DARS2: variants seen among roughly 807,000 people sequenced by gnomAD.
DARS2 encodes the protein aspartyl-tRNA synthetase 2, mitochondrial, also known as aspartate--tRNA ligase, mitochondrial.
Under a neutral mutation model 83.0 loss-of-function variants are expected in DARS2, and 63 were observed. The ratio of observed to expected loss-of-function variants is 0.76; its 90% CI spans 0.62 to 0.94. The LOEUF (loss-of-function observed/expected upper bound fraction) is 0.94. Ranked by LOEUF, DARS2 falls within the 40% of genes least tolerant of loss-of-function variation. The probability of loss-of-function intolerance (pLI) is 0.00; values close to 1 mark genes in which losing one functional copy is unlikely to be tolerated. For synonymous variants in DARS2, 250 were observed against 269.3 expected, an observed-to-expected ratio of 0.93 and a Z score of 0.70; for missense variants, 675 against 774.4, an observed-to-expected ratio of 0.87 and a Z score of 1.52.
At chr1:173,852,755 G>A (rs550072570) in intron 13 of DARS2, among the ~76,000 whole-genome samples, 26 of 152,012 alleles carry the variant, frequency 1.7e-4, no homozygotes, top group East Asian at 5.8e-4. Flanking sequence ...CGCCCGCCTC[G>A]GCCTCCCAAA....
chr1:173,839,220 G>C lies in DARS2; in HGVS notation c.841-147G>C. 4 of 716,584 alleles carry C rather than the reference G, an allele frequency of 5.6e-6. No individual in the cohort carries two copies. The South Asian group carries it at 6.9e-5, about 12-fold the overall frequency. The allele number at this position is 716,584 out of a possible 1,614,324, so 44.4% of individuals were successfully genotyped here. A position where few individuals can be genotyped will look rare whatever the true frequency, so the allele number is the denominator to read the frequency against. On this transcript the variant is annotated intron_variant, in intron 9 of 16. Coordinates refer to ENST00000649689, the MANE Select transcript of DARS2 (RefSeq NM_018122.5). The stretch of plus-strand genomic sequence containing the variant: ...TAATGTATGTAAGGCCATTAGCACA[G>C]TGTCTGACATAAAAGAGATGTACAA...
chr1:173,843,351 G>A (rs1248182950), intron 11 of DARS2, among the ~76,000 whole-genome samples: 2 of 152,122 alleles, frequency 1.3e-5, no homozygotes, highest in Non-Finnish European at 2.9e-5. Flanking sequence ...ACGAGGTCAG[G>A]AGTTCAAGAC....
intron 4 of DARS2, among the ~76,000 whole-genome samples, chr1:173,831,304 C>T (rs1277450345): frequency 6.6e-6 from 1 of 151,794 alleles, no homozygotes; most frequent in Non-Finnish European, 1.5e-5. Flanking sequence ...GTCTCAGCCT[C>T]CCAAGTATCA....
intron 13 of DARS2, 66 bp downstream of exon 13, chr1:173,850,545 T>C: frequency 1.3e-6 from 2 of 1,518,922 alleles, no homozygotes; most frequent in South Asian, 1.2e-5. Context: ...CTCCTATGTA[T>C]ATAGTATACG....
chr1:173,850,691 C>T (rs937047208), intron 13 of DARS2, among the ~76,000 whole-genome samples: 1 of 151,324 alleles, frequency 6.6e-6, no homozygotes, highest in East Asian at 2.0e-4. Flanking sequence ...CTGCAACCTC[C>T]GCCTCCCGGG....
intron 2 of DARS2, among the ~76,000 whole-genome samples, chr1:173,827,028 G>A (rs1342802262): frequency 3.3e-5 from 5 of 152,064 alleles, no homozygotes; most frequent in South Asian, 4.2e-4. Flanking sequence ...TCTGTTGAAG[G>A]GTATAACAAC....
intron 1 of DARS2, among the ~76,000 whole-genome samples, chr1:173,826,083 GC>G (rs1408464858): frequency 6.6e-6 from 1 of 151,792 alleles, no homozygotes; most frequent in Non-Finnish European, 1.5e-5. Context: ...AATTAGCCGG[GC>G]GTGGTGGCGG....
intron 1 of DARS2, 105 bp from the exon 2 acceptor site, chr1:173,826,582 G>A: frequency 1.3e-6 from 1 of 772,180 alleles, no homozygotes; most frequent in Non-Finnish European, 2.1e-6. Context: ...CTGTAGCCCT[G>A]ACATACCTAA....
Position 173,853,806 on chromosome 1 carries a change from A to T in DARS2, c.1575A>T (p.Gln525His). 6.2e-7 allele frequency: 1 copy of T among 1,614,074 alleles called. No individual in the cohort carries two copies. Among genetic ancestry groups the T allele is most frequent in the Non-Finnish European group, 8.5e-7 (1 of 1,179,936 alleles). Residue 525 changes from glutamine to histidine, a missense_variant, in exon 15 of 17, where the codon CAA becomes CAT. Physicochemically the swap from Gln to His is conservative, Grantham distance 24. Coordinates refer to ENST00000649689, the MANE Select transcript of DARS2 (RefSeq NM_018122.5). ...TGTGAATCTTCTAGGCCCGTAGCCA[A>T]CACTATGACTTGGTTTTAAATGGCA... ...LYTEPKKARS[Q>H]HYDLVLNGNE...
Position 173,840,881 on chromosome 1 carries a change from G to C in DARS2, c.1036G>C (p.Asp346His), listed in dbSNP as rs1352784354. The change falls in exon 11 of 17, where the codon GAT becomes CAT. Residue 346 changes from aspartate (D) to histidine (H), a missense_variant. By Grantham distance (81) the Asp-to-His change is moderately conservative. Coordinates refer to ENST00000649689, the MANE Select transcript of DARS2 (RefSeq NM_018122.5). The stretch of plus-strand genomic sequence containing the variant: ...CATTTTCCAGATTATAGATATCAGT[G>C]ATGTGTTTAGAAACACAGAGATTGG... Reference protein sequence around the residue: ...RFGMKIIDISDVFRNTEIGFL... With the variant: ...RFGMKIIDISHVFRNTEIGFL... 2.5e-6 allele frequency: 4 copies of C among 1,595,998 alleles called. No homozygotes were observed. Among genetic ancestry groups the C allele is most frequent in the Non-Finnish European group, 3.4e-6 (4 of 1,163,560 alleles).
At chr1:173,853,936 A>T (rs769881224) in intron 15 of DARS2, 31 bp downstream of exon 15, 16 of 1,546,366 alleles carry the variant, frequency 1.0e-5, no homozygotes, top group Non-Finnish European at 1.4e-5. Flanking sequence ...TCCTGGGCTT[A>T]TTTTTTTACC....
At chr1:173,848,419 T>A (rs1190124355) in intron 12 of DARS2, among the ~76,000 whole-genome samples, 1 of 152,262 alleles carries the variant, frequency 6.6e-6, no homozygotes, top group African/African-American at 2.4e-5. Flanking sequence ...TGGAAACGTT[T>A]TATGTCTGCA....
chr1:173,825,074 T>G lies in DARS2; in HGVS notation c.-156T>G, dbSNP rs1239281305. ...GAGATTTGTCTTGTTTCTAGACACG[T>G]GTACTCCAATGTTGTGCGGAGGAGG... On this transcript the variant is annotated 5_prime_UTR_variant, in exon 1 of 17. Transcript: ENST00000649689. 7.6e-6 allele frequency: 8 copies of G among 1,054,504 alleles called. No individual in the cohort carries two copies. The highest frequency in any genetic ancestry group is 1.6e-5 in the African/African-American group (1 of 63,286). The allele number at this position is 1,054,504 out of a possible 1,614,324, so 65.3% of individuals were successfully genotyped here.
intron 8 of DARS2, among the ~76,000 whole-genome samples, chr1:173,837,632 A>G (rs1167335838): frequency 6.6e-6 from 1 of 152,238 alleles, no homozygotes; most frequent in Non-Finnish European, 1.5e-5. Context: ...GCTGGCATGG[A>G]CTGATTTGCA....
intron 8 of DARS2, 113 bp downstream of exon 8, chr1:173,837,159 AG>A: frequency 1.0e-6 from 1 of 967,276 alleles, no homozygotes; most frequent in Non-Finnish European, 1.6e-6. Context: ...AATTTATGAG[AG>A]TTTGGAGAAT....
intron 1 of DARS2, 93 bp downstream of exon 1, chr1:173,825,449 CATT>C (rs55949406): frequency 0.027 from 12,604 of 470,300 alleles, 411 homozygotes; most frequent in African/African-American, 0.12. Flanking sequence ...TTTTTTCCCC[CATT>C]ATTATTATTA....
At position 173,825,212 on chromosome 1, in the gene DARS2, CCAT is replaced by C; in HGVS notation, c.-16_-14del. ...CGTGGGATTTCGTGATTGTTTTTCG[CCAT>C]CGTGTGGCTCCAACATGTACTTCCC... On this transcript the variant is annotated 5_prime_UTR_variant, in exon 1 of 17. Transcript: ENST00000649689. 1 of 1,609,604 alleles carries C rather than the reference CCAT, an allele frequency of 6.2e-7. No homozygotes were observed. The highest frequency in any genetic ancestry group is 1.3e-5 in the African/African-American group (1 of 74,796).
Position 173,833,354 on chromosome 1 carries a change from A to G in DARS2, c.493-22A>G, listed in dbSNP as rs768251692. 3 of 1,530,550 alleles carry G rather than the reference A, an allele frequency of 2.0e-6. No individual in the cohort carries two copies. In the South Asian group the frequency reaches 3.8e-5, roughly 19 times the overall value. 94.8% of individuals were successfully genotyped at this position (1,530,550 alleles called of 1,614,324 possible). ...CTAATATTGAAAAATATTTAAATATAAAAATCTTTCAATTTCTTTAGAAAA... is the reference window on the plus strand; with the variant it reads ...CTAATATTGAAAAATATTTAAATATGAAAATCTTTCAATTTCTTTAGAAAA... On this transcript the variant is annotated intron_variant, in intron 5 of 16. Coordinates refer to ENST00000649689, the MANE Select transcript of DARS2 (RefSeq NM_018122.5).
intron 3 of DARS2, among the ~76,000 whole-genome samples, chr1:173,829,489 A>G (rs1156646197): frequency 1.3e-5 from 2 of 152,184 alleles, no homozygotes; most frequent in African/African-American, 4.8e-5. Context: ...TTTTAATTAA[A>G]AAATTCAAGG....
Sources: allele counts gnomAD v4.1 joint callset (sites outside exome capture counted in the v4.1 genomes callset), GRCh38; gene constraint gnomAD v4.1.1; transcripts MANE v1.5; gene names NCBI Gene and HGNC (gene_info 2026-07-23, HGNC 2026-07-21).